The following ABTB3 variants were observed in gnomAD, a reference collection of about 807,000 sequenced individuals.
ABTB3 encodes ankyrin repeat- and BTB/POZ domain-containing protein 3.
At chr12:107,415,341 T>A in the ABTB3 span, among the ~76,000 whole-genome samples, 3 of 152,136 alleles carry the variant, frequency 2.0e-5, no homozygotes, top group African/African-American at 7.2e-5. Flanking sequence ...GGTTTGTTCA[T>A]CGTCTGCCTC....
chr12:107,549,827 C>T, the ABTB3 span, among the ~76,000 whole-genome samples: 2 of 152,140 alleles, frequency 1.3e-5, no homozygotes, highest in African/African-American at 4.8e-5. Flanking sequence ...TTTGGACTTC[C>T]CTTAATTTAT....
chr12:107,368,430 G>T, the ABTB3 span, among the ~76,000 whole-genome samples: 1 of 152,214 alleles, frequency 6.6e-6, no homozygotes, highest in Admixed American at 6.5e-5. Flanking sequence ...AATATTTGGT[G>T]AACTGTGTAA....
At chr12:107,637,983 C>T in the ABTB3 span, among the ~76,000 whole-genome samples, 4 of 151,906 alleles carry the variant, frequency 2.6e-5, no homozygotes, top group Admixed American at 2.0e-4. Flanking sequence ...GGCAGGTTAC[C>T]GAGCAGAGAG....
chr12:107,458,526 GC>G, the ABTB3 span, among the ~76,000 whole-genome samples: 1 of 152,162 alleles, frequency 6.6e-6, no homozygotes, highest in Non-Finnish European at 1.5e-5. Flanking sequence ...GCATGGTGGG[GC>G]CAATGGGGAC....
At chr12:107,384,549 G>A in the ABTB3 span, among the ~76,000 whole-genome samples, 3 of 152,194 alleles carry the variant, frequency 2.0e-5, no homozygotes, top group Admixed American at 2.0e-4. Context: ...ATTGGGGATT[G>A]TCTTTGGGGT....
the ABTB3 span, among the ~76,000 whole-genome samples, chr12:107,464,973 C>A: frequency 6.6e-6 from 1 of 151,978 alleles, no homozygotes; most frequent in Non-Finnish European, 1.5e-5. Flanking sequence ...CACACACACA[C>A]ACACCCCAGA....
chr12:107,643,456 A>T, the ABTB3 span, among the ~76,000 whole-genome samples: 4 of 144,110 alleles, frequency 2.8e-5, no homozygotes, highest in African/African-American at 1.0e-4. Flanking sequence ...AGCCTGGGTG[A>T]GCTGTCCCCC....
the ABTB3 span, among the ~76,000 whole-genome samples, chr12:107,568,431 A>G: frequency 2.0e-5 from 3 of 152,122 alleles, 1 homozygote; most frequent in South Asian, 6.2e-4. Context: ...CCACTACCCT[A>G]CTTGGCTGGA....
the ABTB3 span, among the ~76,000 whole-genome samples, chr12:107,324,529 T>A: frequency 6.6e-6 from 1 of 152,274 alleles, no homozygotes; most frequent in East Asian, 1.9e-4. Context: ...TTGCTGTACT[T>A]TAAACTTCAA....
At chr12:107,458,681 C>G in the ABTB3 span, among the ~76,000 whole-genome samples, 1 of 152,106 alleles carries the variant, frequency 6.6e-6, no homozygotes, top group East Asian at 1.9e-4. Context: ...ACCCTAGAAG[C>G]CTGGGGAGTA....
chr12:107,629,246 A>G, the ABTB3 span, among the ~76,000 whole-genome samples: 1 of 151,694 alleles, frequency 6.6e-6, no homozygotes, highest in Non-Finnish European at 1.5e-5. Flanking sequence ...GTGAGACCTC[A>G]TCTACACACA....
chr12:107,348,352 G>A, the ABTB3 span, among the ~76,000 whole-genome samples: 2 of 152,006 alleles, frequency 1.3e-5, no homozygotes, highest in Non-Finnish European at 1.5e-5. Context: ...CTTTCATTCA[G>A]TAAATGTGTC....
At chr12:107,466,678 C>T in the ABTB3 span, among the ~76,000 whole-genome samples, 9 of 151,940 alleles carry the variant, frequency 5.9e-5, no homozygotes, top group South Asian at 4.2e-4. Flanking sequence ...GGGTTGATGC[C>T]GGGCTATTTC....
the ABTB3 span, among the ~76,000 whole-genome samples, chr12:107,492,122 C>A: frequency 2.6e-5 from 4 of 152,082 alleles, no homozygotes; most frequent in Non-Finnish European, 5.9e-5. Flanking sequence ...TGCAGCCTCA[C>A]GCTGATTCGC....
the ABTB3 span, among the ~76,000 whole-genome samples, chr12:107,332,624 C>T: frequency 6.6e-6 from 1 of 152,140 alleles, no homozygotes. Context: ...TAATGTCACC[C>T]CTGTCAGGGG....
chr12:107,395,054 C>T, the ABTB3 span, among the ~76,000 whole-genome samples: 60 of 152,350 alleles, frequency 3.9e-4, no homozygotes, highest in Non-Finnish European at 8.2e-4. Flanking sequence ...ACCAAGGCAG[C>T]TGGTCAGGTG....
At chr12:107,594,596 C>T in the ABTB3 span, among the ~76,000 whole-genome samples, 1 of 152,038 alleles carries the variant, frequency 6.6e-6, no homozygotes, top group South Asian at 2.1e-4. Context: ...GCACAAAGCA[C>T]TCTCAATTTG....
the ABTB3 span, among the ~76,000 whole-genome samples, chr12:107,532,222 G>C: frequency 6.6e-6 from 1 of 152,186 alleles, no homozygotes; most frequent in Non-Finnish European, 1.5e-5. Context: ...GCCATGCAGG[G>C]GCCCCAGGAC....
chr12:107,343,945 T>G, the ABTB3 span, among the ~76,000 whole-genome samples: 1 of 152,174 alleles, frequency 6.6e-6, no homozygotes, highest in East Asian at 1.9e-4. Flanking sequence ...CCTTGACTCC[T>G]GGGGATTACA....
Sources: gnomAD v4.1 joint callset for allele counts (sites outside exome capture counted in the v4.1 genomes callset) on GRCh38, gnomAD v4.1.1 for gene constraint, MANE v1.5 for transcripts, NCBI Gene and HGNC (gene_info 2026-07-23, HGNC 2026-07-21) for gene names.